Variants in KIAA1549 observed in about 807,000 individuals in gnomAD.
KIAA1549 encodes the protein KIAA1549.
Under a neutral mutation model 156.4 loss-of-function variants are expected in KIAA1549, and 70 were observed. The ratio of observed to expected loss-of-function variants is 0.45; its 90% CI spans 0.37 to 0.55. KIAA1549 has a LOEUF of 0.55. Ranked by LOEUF, KIAA1549 falls within the 20% of genes least tolerant of loss-of-function variation. KIAA1549 has a pLI of 0.00. For missense variants in KIAA1549, 2,428 were observed against 2,540.9 expected (o/e 0.96, Z 0.96); for synonymous variants, 1,103 against 1,066.4 (o/e 1.03, Z -0.67).
rs1276509792 is a variant in KIAA1549, at chr7:138,835,593, C to T, written c.*2313G>A. 3 of 223,884 alleles carry T rather than the reference C, an allele frequency of 1.3e-5. No homozygotes were observed. Among genetic ancestry groups the T allele is most frequent in the African/African-American group, 6.7e-5 (3 of 44,794 alleles). 13.9% of individuals were successfully genotyped at this position (223,884 alleles called of 1,614,324 possible). A position where few individuals can be genotyped will look rare whatever the true frequency, so the allele number is the denominator to read the frequency against. ...AACTGGGTGAGAAGGGGCCATTTAT[C>T]CCGTTTGCTGTCACACGATTTGAAT... On this transcript the variant is annotated 3_prime_UTR_variant, in exon 20 of 20. Coordinates refer to ENST00000422774, the MANE Select transcript of KIAA1549 (RefSeq NM_001164665.2).
intron 9 of KIAA1549, among the ~76,000 whole-genome samples, chr7:138,896,678 G>A (rs1016785814): frequency 8.6e-5 from 13 of 150,974 alleles, no homozygotes; most frequent in African/African-American, 2.9e-4. Context: ...ACTTGCAGCC[G>A]CGACCTCCTG....
At chr7:138,980,319 G>A (rs778024686) in intron 1 of KIAA1549, among the ~76,000 whole-genome samples, 2 of 152,172 alleles carry the variant, frequency 1.3e-5, no homozygotes, top group East Asian at 1.9e-4. Flanking sequence ...GAAGCAATAG[G>A]AATTAAATCA....
At chr7:138,907,371 C>T (rs796578964) in intron 5 of KIAA1549, among the ~76,000 whole-genome samples, 1 of 152,190 alleles carries the variant, frequency 6.6e-6, no homozygotes, top group African/African-American at 2.4e-5. Context: ...AAGCTGAACA[C>T]AGGGGAATAA....
In KIAA1549 at chr7:138,917,357, A is replaced by C; in HGVS notation, c.2269T>G (p.Ser757Ala). The C allele has an allele frequency of 6.2e-7, 1 of 1,613,920 alleles. No homozygotes were observed. The highest frequency in any genetic ancestry group is 1.1e-5 in the South Asian group (1 of 91,074). Residue 757 changes from serine (S) to alanine (A), a missense_variant, in exon 2 of 20, where the codon TCT (serine) becomes GCT (alanine). Ser to Ala is a moderately conservative substitution (Grantham distance 99). This residue lies in a region of KIAA1549 where 762 missense variants were observed against 901.6 expected (regional missense o/e 0.85). Coordinates refer to ENST00000422774, the MANE Select transcript of KIAA1549 (RefSeq NM_001164665.2). Reference protein sequence around the residue: ...AFIETTSYLESSLISHESAVT... With the variant: ...AFIETTSYLEASLISHESAVT... ...GCGGATTCATGGGAAATGAGTGAAGACTCAAGATAGGAGGTAGTTTCAATG... is the reference window on the plus strand; with the variant it reads ...GCGGATTCATGGGAAATGAGTGAAGCCTCAAGATAGGAGGTAGTTTCAATG...
chr7:138,961,446 C>T (rs549300094), intron 1 of KIAA1549, among the ~76,000 whole-genome samples: 5 of 152,220 alleles, frequency 3.3e-5, no homozygotes, highest in East Asian at 1.9e-4. Context: ...CCCCATGATG[C>T]GCTTTCCCTA....
chr7:138,904,360 G>A lies in KIAA1549; in HGVS notation c.3521-624C>T, dbSNP rs370872022. On this transcript the variant is annotated intron_variant, in intron 7 of 19. Transcript: ENST00000422774. ...CTATAGAAATTATCTGGAAAAGACCGCGGATGGCACCATGCAAAGCGATAG... is the reference window on the plus strand; with the variant it reads ...CTATAGAAATTATCTGGAAAAGACCACGGATGGCACCATGCAAAGCGATAG... Among the ~76,000 whole-genome samples, 9 of 152,276 alleles carry A rather than the reference G, an allele frequency of 5.9e-5. No homozygotes were observed. The South Asian group carries it at 8.3e-4, about 14-fold the overall frequency.
chr7:138,873,996 TTGTTTATAGAAC>T (rs1811009544), intron 12 of KIAA1549, among the ~76,000 whole-genome samples: 1 of 148,476 alleles, frequency 6.7e-6, no homozygotes, highest in Admixed American at 6.8e-5. Context: ...GTATATATTT[TTGTTTATAGAAC>T]TGTATATGTA....
intron 15 of KIAA1549, among the ~76,000 whole-genome samples, chr7:138,865,965 C>T (rs928502970): frequency 4.6e-5 from 7 of 152,136 alleles, no homozygotes; most frequent in African/African-American, 1.7e-4. Flanking sequence ...AGCAAGTCTC[C>T]ACTTGGCACA....
At chr7:138,946,935 C>T (rs559176064) in intron 1 of KIAA1549, among the ~76,000 whole-genome samples, 2 of 152,332 alleles carry the variant, frequency 1.3e-5, no homozygotes, top group South Asian at 4.1e-4. Flanking sequence ...TACTGCATGG[C>T]CCAGGGAGAG....
chr7:138,910,594 C>T (rs1211910187), intron 4 of KIAA1549, among the ~76,000 whole-genome samples: 1 of 151,820 alleles, frequency 6.6e-6, no homozygotes, highest in Non-Finnish European at 1.5e-5. Context: ...GATGAGGTTT[C>T]GCCATGTTGC....
rs549603826 is a variant in KIAA1549 at position 138,867,266 on chromosome 7, C to T, written c.4929+709G>A. Among the ~76,000 whole-genome samples the T allele has an allele frequency of 6.9e-4, 105 of 152,290 alleles. 1 individual carries two copies. Among genetic ancestry groups the T allele is most frequent in the Admixed American group, 6.3e-3 (97 of 15,296 alleles). Reference sequence around the variant, plus strand: ...CTAGCTCAGTCAGTAGAGTATGAGACTCTTGATCACAGGGTCATGCCCTCA... The same window carrying T: ...CTAGCTCAGTCAGTAGAGTATGAGATTCTTGATCACAGGGTCATGCCCTCA... On this transcript the variant is annotated intron_variant, in intron 15 of 19. Coordinates refer to ENST00000422774, the MANE Select transcript of KIAA1549 (RefSeq NM_001164665.2).
rs191468614 is a variant in KIAA1549 at position 138,924,517 on chromosome 7, G to C, written c.188-5079C>G. 2.0e-5 allele frequency among the ~76,000 whole-genome samples: 3 copies of C among 152,296 alleles called. No individual in the cohort carries two copies. The East Asian group carries it at 5.8e-4, about 29-fold the overall frequency. On this transcript the variant is annotated intron_variant, in intron 1 of 19. Coordinates refer to ENST00000422774, the MANE Select transcript of KIAA1549 (RefSeq NM_001164665.2). ...GAACCTGGGTATCTGATGCAAGCTA[G>C]AATTAAATCAACTAGGCCTTCTAAG...
At chr7:138,938,827 T>C (rs2774959) in intron 1 of KIAA1549, among the ~76,000 whole-genome samples, 76,664 of 152,034 alleles carry the variant, frequency 0.5, 23,082 homozygotes, top group African/African-American at 0.86. Context: ...GCGGGTGCAT[T>C]ACCTGAGGAC....
chr7:138,918,064 A>C lies in KIAA1549; in HGVS notation c.1562T>G (p.Val521Gly), dbSNP rs377033404. 3.1e-6 allele frequency: 5 copies of C among 1,613,198 alleles called. No individual in the cohort carries two copies. Among genetic ancestry groups the C allele is most frequent in the Non-Finnish European group, 4.2e-6 (5 of 1,179,662 alleles). ...VDMSSVTTTQ[V>G]PPAHGRLSVP... ...AGAGAGGCGGCCGTGGGCAGGGGGA[A>C]CCTGTGTGGTTGTAACACTACTCAT... Residue 521 changes from valine to glycine, a missense_variant, in exon 2 of 20, where the codon GTT (valine) becomes GGT (glycine). Val to Gly is a moderately radical substitution (Grantham distance 109). This residue lies in a region of KIAA1549 where 893 missense variants were observed against 847.9 expected (regional missense o/e 1.05). Transcript: ENST00000422774. The surrounding 1 kb of genome is among the most constrained non-coding windows in gnomAD (Gnocchi z 4.2).
rs115344693 is a variant in KIAA1549, at chr7:138,966,443, A to G, written c.187+14640T>C. Among the ~76,000 whole-genome samples, 1,033 of 152,214 alleles carry G rather than the reference A, an allele frequency of 6.8e-3. 11 individuals carry two copies. The highest frequency in any genetic ancestry group is 0.024 in the African/African-American group (987 of 41,534). Reference sequence around the variant, plus strand: ...TTATTAAGGAGTATTAAACTCACACAATCCCAAGGTTCCACAACAAGCCAA... The same window carrying G: ...TTATTAAGGAGTATTAAACTCACACGATCCCAAGGTTCCACAACAAGCCAA... On this transcript the variant is annotated intron_variant, in intron 1 of 19. Coordinates refer to ENST00000422774, the MANE Select transcript of KIAA1549 (RefSeq NM_001164665.2).
Position 138,981,259 on chromosome 7 carries a change from G to T in KIAA1549, c.11C>A (p.Ala4Glu). MPG[A>E]RRRRRGAAME... ...GGCCGCGCCTCGGCGTCGGCGCCGC[G>T]CCCCCGGCATTCCCGGCCGGCGCCC... Residue 4 changes from alanine (A) to glutamate (E), a missense_variant, in exon 1 of 20, where the codon GCG (alanine) becomes GAG (glutamate). By Grantham distance (107) the Ala-to-Glu change is moderately radical. This residue lies in a region of KIAA1549 where 893 missense variants were observed against 847.9 expected (regional missense o/e 1.05). Transcript: ENST00000422774. This position sits in a 1 kb window ranked among gnomAD's most constrained non-coding sequence, Gnocchi z 4.5. 7 of 980,734 alleles carry T rather than the reference G, an allele frequency of 7.1e-6. No individual in the cohort carries two copies. The highest frequency in any genetic ancestry group is 8.5e-6 in the Non-Finnish European group (7 of 828,018). 60.8% of individuals were successfully genotyped at this position (980,734 alleles called of 1,614,324 possible).
intron 18 of KIAA1549, among the ~76,000 whole-genome samples, chr7:138,843,897 C>G (rs1034697099): frequency 6.6e-6 from 1 of 152,142 alleles, no homozygotes; most frequent in African/African-American, 2.4e-5. Flanking sequence ...TTGGCTTAAA[C>G]TACTTGCTTT....
intron 11 of KIAA1549, 99 bp downstream of exon 11, chr7:138,881,289 G>A (rs1051995829): frequency 1.6e-6 from 2 of 1,217,228 alleles, no homozygotes; most frequent in African/African-American, 3.0e-5. Context: ...CACATGCAGG[G>A]CTGCGCTCAC....
Position 138,912,461 on chromosome 7 carries a change from C to A in KIAA1549, c.2879-1G>T, listed in dbSNP as rs770170916. Reference sequence around the variant, plus strand: ...TCCTGCACAGCTCTTCTGGCCAGCACTGCAAATGAAAGCAAACCACCAAAT... The same window carrying A: ...TCCTGCACAGCTCTTCTGGCCAGCAATGCAAATGAAAGCAAACCACCAAAT... On this transcript the variant is annotated splice_acceptor_variant, in intron 2 of 19. Coordinates refer to ENST00000422774, the MANE Select transcript of KIAA1549 (RefSeq NM_001164665.2). LOFTEE classifies it high-confidence loss of function. 6.2e-7 allele frequency: 1 copy of A among 1,613,092 alleles called. No homozygotes were observed. Among genetic ancestry groups the A allele is most frequent in the Non-Finnish European group, 8.5e-7 (1 of 1,179,198 alleles).
Sources: allele counts gnomAD v4.1 joint callset (sites outside exome capture counted in the v4.1 genomes callset), GRCh38; gene constraint gnomAD v4.1.1; regional missense constraint gnomAD v4.1.1; non-coding constraint Gnocchi (gnomAD v3.1); transcripts MANE v1.5; gene names NCBI Gene and HGNC (gene_info 2026-07-23, HGNC 2026-07-21).